Variants in GABRA5 observed in about 807,000 individuals in gnomAD.
The protein encoded by GABRA5 is gamma-aminobutyric acid type A receptor subunit alpha5.
Under a neutral mutation model 47.3 loss-of-function variants are expected in GABRA5, and 18 were observed. That is an observed-to-expected ratio of 0.38 (90% CI 0.26 to 0.56). The LOEUF (loss-of-function observed/expected upper bound fraction) is 0.56. Among genes scored for constraint, GABRA5 ranks in the 20% least tolerant of loss-of-function variants. The pLI is 0.71. For synonymous variants in GABRA5, 237 were observed against 229.3 expected, an observed-to-expected ratio of 1.03 and a Z score of -0.30; for missense variants, 365 against 599.3, an observed-to-expected ratio of 0.61 and a Z score of 4.08.
At chr15:26,881,951 C>T (rs1853311711) in intron 4 of GABRA5, among the ~76,000 whole-genome samples, 2 of 152,210 alleles carry the variant, frequency 1.3e-5, no homozygotes. Context: ...CCACCCACCT[C>T]GGCCTCCCAA....
intron 6 of GABRA5, among the ~76,000 whole-genome samples, chr15:26,902,185 G>T (rs925052228): frequency 6.6e-6 from 1 of 151,982 alleles, no homozygotes; most frequent in Admixed American, 6.6e-5. Context: ...ACAAAACAAC[G>T]TGCTTGAATT....
intron 6 of GABRA5, among the ~76,000 whole-genome samples, chr15:26,911,387 A>ACACAC (rs937100936): frequency 1.4e-5 from 2 of 146,284 alleles, no homozygotes; most frequent in Admixed American, 1.4e-4. Context: ...ACACACACAC[A>ACACAC]CACACACACA....
Position 26,883,209 on chromosome 15 carries a change from CG to C in GABRA5, c.254del (p.Gly85AlafsTer12). The C allele has an allele frequency of 6.2e-7, 1 of 1,613,948 alleles. No individual in the cohort carries two copies. Among genetic ancestry groups the C allele is most frequent in the Non-Finnish European group, 8.5e-7 (1 of 1,179,864 alleles). On this transcript the variant is annotated frameshift_variant, in exon 5 of 11. Coordinates refer to ENST00000335625, the MANE Select transcript of GABRA5 (RefSeq NM_000810.4). LOFTEE classifies it high-confidence loss of function. This position sits in a 1 kb window ranked among gnomAD's most constrained non-coding sequence, Gnocchi z 4.8. ...VRTDIYVTSF[G>X]PVSDTEMEYT... The stretch of plus-strand genomic sequence containing the variant: ...GGACCGACATCTACGTCACCAGCTT[CG>C]GCCCGGTGTCCGACACGGAAATGGT...
Position 26,948,317 on chromosome 15 carries a change from T to C in GABRA5, c.*84T>C. 3.1e-6 allele frequency: 4 copies of C among 1,299,586 alleles called. No homozygotes were observed. Among genetic ancestry groups the C allele is most frequent in the East Asian group, 4.9e-5 (2 of 41,094 alleles). The allele number at this position is 1,299,586 out of a possible 1,614,324, so 80.5% of individuals were successfully genotyped here. Reference sequence around the variant, plus strand: ...AGGTCTTGCTCACAGGGACTCTCCATATGTGAGCACTATCTTTCAGGAAAT... The same window carrying C: ...AGGTCTTGCTCACAGGGACTCTCCACATGTGAGCACTATCTTTCAGGAAAT... On this transcript the variant is annotated 3_prime_UTR_variant, in exon 11 of 11. Coordinates refer to ENST00000335625, the MANE Select transcript of GABRA5 (RefSeq NM_000810.4).
At chr15:26,900,466 T>A (rs180846778) in intron 6 of GABRA5, among the ~76,000 whole-genome samples, 18 of 152,260 alleles carry the variant, frequency 1.2e-4, no homozygotes, top group African/African-American at 4.1e-4. Flanking sequence ...GCCTAAAGGA[T>A]TCCTTTGGCA....
intron 3 of GABRA5, 98 bp downstream of exon 3, chr15:26,869,432 C>T: frequency 1.3e-6 from 1 of 772,374 alleles, no homozygotes; most frequent in Admixed American, 1.8e-5. Flanking sequence ...AAGTCCTCGC[C>T]TGCCACCATT....
chr15:26,946,681 G>T (rs2140605937), intron 10 of GABRA5, among the ~76,000 whole-genome samples: 1 of 151,992 alleles, frequency 6.6e-6, no homozygotes, highest in Middle Eastern at 3.4e-3. Flanking sequence ...CCTCCAGAAA[G>T]CTCACCATGC....
At chr15:26,875,582 G>A (rs1892576101) in intron 3 of GABRA5, among the ~76,000 whole-genome samples, 3 of 152,216 alleles carry the variant, frequency 2.0e-5, no homozygotes, top group Non-Finnish European at 4.4e-5. Flanking sequence ...CAAAGCTGTT[G>A]GCAGAGAAAC....
intron 6 of GABRA5, among the ~76,000 whole-genome samples, chr15:26,908,938 G>A (rs1417097664): frequency 6.6e-6 from 1 of 152,210 alleles, no homozygotes; most frequent in African/African-American, 2.4e-5. Context: ...AAATATGCAT[G>A]GGGCTGCTCT....
intron 3 of GABRA5, among the ~76,000 whole-genome samples, chr15:26,875,182 T>A (rs550648540): frequency 3.3e-5 from 5 of 152,310 alleles, no homozygotes; most frequent in African/African-American, 1.2e-4. Flanking sequence ...ACCAAGCCAT[T>A]CTGGGTTCTG....
In GABRA5 at chr15:26,883,571, G is replaced by A. The variant is rs1227640744; in HGVS notation, c.497+14G>A. 1.3e-6 allele frequency: 2 copies of A among 1,526,614 alleles called. No individual in the cohort carries two copies. Among genetic ancestry groups the A allele is most frequent in the Non-Finnish European group, 8.9e-7 (1 of 1,124,194 alleles). 94.6% of individuals were successfully genotyped at this position (1,526,614 alleles called of 1,614,324 possible). ...CTACACCATGCGGTGAGCGCCGGGC[G>A]GGGGCGGGCGGGGCCGGGGGACGGT... On this transcript the variant is annotated intron_variant, in intron 6 of 10. Transcript: ENST00000335625. The surrounding 1 kb of genome is among the most constrained non-coding windows in gnomAD (Gnocchi z 4.8).
chr15:26,911,599 A>C (rs1452970077), intron 6 of GABRA5, among the ~76,000 whole-genome samples: 1 of 152,042 alleles, frequency 6.6e-6, no homozygotes, highest in African/African-American at 2.4e-5. Context: ...CCAGGAGAGG[A>C]GGAGGAATGA....
In GABRA5 at chr15:26,932,779, G is replaced by A. The variant is rs191413907; in HGVS notation, c.581-4406G>A. Reference sequence around the variant, plus strand: ...ACATATATACCGTGGAATACTGTGCGGCCATAAAAAGGAACAAGATCATGT... The same window carrying A: ...ACATATATACCGTGGAATACTGTGCAGCCATAAAAAGGAACAAGATCATGT... On this transcript the variant is annotated intron_variant, in intron 7 of 10. Coordinates refer to ENST00000335625, the MANE Select transcript of GABRA5 (RefSeq NM_000810.4). 7.9e-5 allele frequency among the ~76,000 whole-genome samples: 12 copies of A among 152,192 alleles called. No homozygotes were observed. The East Asian group carries it at 2.1e-3, about 27-fold the overall frequency.
At chr15:26,929,328 G>C (rs1294875088) in intron 7 of GABRA5, among the ~76,000 whole-genome samples, 1 of 152,214 alleles carries the variant, frequency 6.6e-6, no homozygotes, top group Non-Finnish European at 1.5e-5. Context: ...GAGAGGTGCA[G>C]AGAAAGTCCA....
rs1893218153 is a variant in GABRA5, at chr15:26,897,211, C to A, written c.497+13654C>A. 2.0e-5 allele frequency among the ~76,000 whole-genome samples: 3 copies of A among 152,094 alleles called. No homozygotes were observed. In the South Asian group the frequency reaches 6.2e-4, roughly 32 times the overall value. Reference sequence around the variant, plus strand: ...TCTTAAGTCCTAACCTCTCAGTTGTCAGAATGCGACTGCATTTGGCGAAGG... The same window carrying A: ...TCTTAAGTCCTAACCTCTCAGTTGTAAGAATGCGACTGCATTTGGCGAAGG... On this transcript the variant is annotated intron_variant, in intron 6 of 10. Transcript: ENST00000335625.
chr15:26,909,922 G>A (rs150625824), intron 6 of GABRA5, among the ~76,000 whole-genome samples: 239 of 152,346 alleles, frequency 1.6e-3, no homozygotes, highest in African/African-American at 5.5e-3. Flanking sequence ...ATTTCCACAA[G>A]AATAAGGAAG....
rs376507743 is a variant in GABRA5 at position 26,943,335 on chromosome 15, C to T, written c.998C>T (p.Ser333Leu). ...GCCGTGTGCTATGCCTTCGTCTTCT[C>T]GGCGCTGATAGAGTTTGCCACGGTC... is the stretch of plus-strand genomic sequence containing the variant. The part of the protein sequence containing the change: ...FIAVCYAFVF[S>L]ALIEFATVNY... The change falls in exon 10 of 11, where the codon TCG becomes TTG. Residue 333 changes from serine to leucine, a missense_variant. Ser to Leu is a moderately radical substitution (Grantham distance 145). Coordinates refer to ENST00000335625, the MANE Select transcript of GABRA5 (RefSeq NM_000810.4). The T allele has an allele frequency of 1.9e-5, 30 of 1,594,582 alleles. No individual in the cohort carries two copies. Among genetic ancestry groups the T allele is most frequent in the Non-Finnish European group, 2.5e-5 (29 of 1,170,766 alleles).
rs79420949 is a variant in GABRA5, at chr15:26,948,678, G to A, written c.*445G>A. On this transcript the variant is annotated 3_prime_UTR_variant, in exon 11 of 11. Transcript: ENST00000335625. ...GAGAAACAGAGATCATAAAGAGCACGTTTTCCATTATGAGGAAACTTGGAC... is the reference window on the plus strand; with the variant it reads ...GAGAAACAGAGATCATAAAGAGCACATTTTCCATTATGAGGAAACTTGGAC... 906 of 159,710 alleles carry A rather than the reference G, an allele frequency of 5.7e-3. 11 individuals carry two copies. Among genetic ancestry groups the A allele is most frequent in the African/African-American group, 0.02 (837 of 41,636 alleles). 9.9% of individuals were successfully genotyped at this position (159,710 alleles called of 1,614,324 possible).
rs1894264185 is a variant in GABRA5 at position 26,937,209 on chromosome 15, T to C, written c.605T>C (p.Val202Ala). The C allele has an allele frequency of 6.2e-7, 1 of 1,613,894 alleles. No individual in the cohort carries two copies. The highest frequency in any genetic ancestry group is 8.5e-7 in the Non-Finnish European group (1 of 1,179,894). The change falls in exon 8 of 11, where the codon GTT (valine) becomes GCT (alanine). Residue 202 changes from valine to alanine, a missense_variant. Val to Ala is a moderately conservative substitution (Grantham distance 64). Transcript: ENST00000335625. Reference sequence around the variant, plus strand: ...GATGCGTACCCTAATTCTGAAGTCGTTTACGTCTGGACCAACGGCTCCACC... The same window carrying C: ...GATGCGTACCCTAATTCTGAAGTCGCTTACGTCTGGACCAACGGCTCCACC... ...GSYAYPNSEVVYVWTNGSTKS... is the reference protein window; with the variant it reads ...GSYAYPNSEVAYVWTNGSTKS...
Sources: gnomAD v4.1 joint callset for allele counts (sites outside exome capture counted in the v4.1 genomes callset) on GRCh38, gnomAD v4.1.1 for gene constraint, Gnocchi (gnomAD v3.1) non-coding constraint, MANE v1.5 for transcripts, NCBI Gene and HGNC (gene_info 2026-07-23, HGNC 2026-07-21) for gene names.